ANK2: variants seen among roughly 807,000 people sequenced by gnomAD.
The protein encoded by ANK2 is ankyrin 2.
ANK2 carries 83 observed loss-of-function variants against 360.5 expected under a neutral mutation model. That is an observed-to-expected ratio of 0.23 (90% CI 0.19 to 0.28). The LOEUF is 0.28. Among genes scored for constraint, ANK2 ranks in the 10% least tolerant of loss-of-function variants. The probability of loss-of-function intolerance (pLI) is 1.00; values close to 1 mark genes in which losing one functional copy is unlikely to be tolerated. For missense variants in ANK2, 4,201 were observed against 4,795.7 expected (o/e 0.88, Z 3.66); for synonymous variants, 1,740 against 1,759.5 (o/e 0.99, Z 0.28).
intron 1 of ANK2, among the ~76,000 whole-genome samples, chr4:112,818,907 T>C (rs2056158414): frequency 6.6e-6 from 1 of 152,214 alleles, no homozygotes; most frequent in South Asian, 2.1e-4. Context: ...GCTAGTGAAT[T>C]GTCTTTCCTG....
intron 2 of ANK2, among the ~76,000 whole-genome samples, chr4:113,004,528 G>C (rs189607796): frequency 6.6e-6 from 1 of 152,194 alleles, no homozygotes; most frequent in Non-Finnish European, 1.5e-5. Context: ...AACACACATG[G>C]AGCTGTCATC....
the ANK2 span, among the ~76,000 whole-genome samples, chr4:112,735,523 T>G: frequency 6.6e-6 from 1 of 152,068 alleles, no homozygotes; most frequent in African/African-American, 2.4e-5. Context: ...CTGTCAACAT[T>G]CATCATCTTC....
At chr4:112,743,855 T>G in the ANK2 span, among the ~76,000 whole-genome samples, 1 of 150,884 alleles carries the variant, frequency 6.6e-6, no homozygotes, top group African/African-American at 2.4e-5. Context: ...TCTTTTATTT[T>G]CTTTTTTTTT....
At position 113,353,725 on chromosome 4, in the gene ANK2, C is replaced by A; in HGVS notation, c.5107C>A (p.Pro1703Thr). The A allele has an allele frequency of 6.2e-7, 1 of 1,613,442 alleles. No homozygotes were observed. The highest frequency in any genetic ancestry group is 8.5e-7 in the Non-Finnish European group (1 of 1,179,878). The change falls in exon 38 of 46, where the codon CCA (proline) becomes ACA (threonine). Residue 1703 changes from proline (P) to threonine (T), a missense_variant. Transcript: ENST00000357077. ...QHKPSLGIKK[P>T]VRRKLKEKQK... ...CAAACCAAGCTTGGGAATAAAGAAG[C>A]CAGTAAGAAGGAAATTAAAAGAAAA... is the stretch of plus-strand genomic sequence containing the variant.
At chr4:112,827,607 A>T (rs2058678083) in intron 1 of ANK2, 4 of 900,002 alleles carry the variant, frequency 4.4e-6, no homozygotes, top group Non-Finnish European at 7.4e-6. Context: ...TTCTGAAGGG[A>T]CCACTCTACT....
intron 1 of ANK2, among the ~76,000 whole-genome samples, chr4:113,119,433 GA>G (rs11368096): frequency 0.68 from 102,754 of 151,358 alleles, 35,109 homozygotes; most frequent in African/African-American, 0.69. Context: ...ATTTTCTTTT[GA>G]AAAAAAGAAA....
chr4:113,369,789 A>G lies in ANK2; in HGVS notation c.11594A>G (p.Asp3865Gly), dbSNP rs140606121. Residue 3865 changes from aspartate to glycine, a missense_variant, in exon 43 of 46, where the codon GAT becomes GGT. Coordinates refer to ENST00000357077, the MANE Select transcript of ANK2 (RefSeq NM_001148.6). ...QPETCERLDE[D>G]AAFEKGDDMP... ...GAGACCTGTGAAAGACTCGATGAAG[A>G]TGCAGCTTTTGAAAAGGTAAGACAT... 47 of 1,614,028 alleles carry G rather than the reference A, an allele frequency of 2.9e-5. No individual in the cohort carries two copies. The highest frequency in any genetic ancestry group is 3.6e-5 in the Non-Finnish European group (43 of 1,180,024).
At chr4:113,278,375 C>G in intron 16 of ANK2, 85 bp from the exon 17 acceptor site, 3 of 1,075,004 alleles carry the variant, frequency 2.8e-6, no homozygotes, top group Non-Finnish European at 4.3e-6. Flanking sequence ...TGAATTTAAT[C>G]AATATCAGTT....
intron 14 of ANK2, among the ~76,000 whole-genome samples, chr4:113,271,117 C>G (rs1172190907): frequency 1.3e-5 from 2 of 152,162 alleles, no homozygotes; most frequent in African/African-American, 4.8e-5. Flanking sequence ...CATCTTTCTC[C>G]TAACTCTTTC....
chr4:113,045,959 C>T (rs1450289329), upstream of ANK2, among the ~76,000 whole-genome samples: 6 of 152,152 alleles, frequency 3.9e-5, no homozygotes, highest in Non-Finnish European at 7.3e-5. Flanking sequence ...CTATTATATG[C>T]CATGCACTGC....
chr4:113,372,948 A>G, intron 43 of ANK2, 142 bp from the exon 44 acceptor site: 1 of 833,298 alleles, frequency 1.2e-6, no homozygotes, highest in South Asian at 1.4e-5. Context: ...GTTTTTCACT[A>G]GTTGACAGGA....
chr4:113,174,544 T>C lies in ANK2; in HGVS notation c.186+27T>C, dbSNP rs997006405. The C allele has an allele frequency of 2.7e-6, 4 of 1,508,338 alleles. No individual in the cohort carries two copies. In the African/African-American group the frequency reaches 4.1e-5, roughly 16 times the overall value. 93.4% of individuals were successfully genotyped at this position (1,508,338 alleles called of 1,614,324 possible). A position where few individuals can be genotyped will look rare whatever the true frequency, so the allele number is the denominator to read the frequency against. ...TAAGAACATGGCAGCTAGCTCTGTG[T>C]TGTGCAACGAAGGAACACTCATTAC... On this transcript the variant is annotated intron_variant, in intron 2 of 45. Coordinates refer to ENST00000357077, the MANE Select transcript of ANK2 (RefSeq NM_001148.6).
intron 24 of ANK2, among the ~76,000 whole-genome samples, chr4:113,314,313 C>G (rs1164360737): frequency 1.3e-5 from 2 of 152,144 alleles, no homozygotes; most frequent in Non-Finnish European, 2.9e-5. Context: ...AAGTTTGCCA[C>G]TCCATTAATT....
chr4:112,777,580 A>C, the ANK2 span, among the ~76,000 whole-genome samples: 1 of 151,012 alleles, frequency 6.6e-6, no homozygotes, highest in East Asian at 2.0e-4. Context: ...AGATACTGAA[A>C]AATATTCAAA....
intron 2 of ANK2, among the ~76,000 whole-genome samples, chr4:112,996,635 A>G (rs2048618960): frequency 1.3e-5 from 2 of 152,004 alleles, no homozygotes; most frequent in South Asian, 4.2e-4. Flanking sequence ...TGGTATATTT[A>G]TGGGGTACAT....
the ANK2 span, among the ~76,000 whole-genome samples, chr4:112,760,289 C>G: frequency 6.6e-6 from 1 of 151,840 alleles, no homozygotes; most frequent in Non-Finnish European, 1.5e-5. Context: ...CGGGTTCCCG[C>G]CATTTTCCTG....
intron 1 of ANK2, among the ~76,000 whole-genome samples, chr4:112,835,322 C>T (rs1211225941): frequency 1.3e-5 from 2 of 152,158 alleles, no homozygotes; most frequent in Non-Finnish European, 2.9e-5. Context: ...TTTTAACAAC[C>T]ACATAGCATT....
At chr4:112,976,018 A>G (rs758185956) in intron 2 of ANK2, among the ~76,000 whole-genome samples, 5 of 152,114 alleles carry the variant, frequency 3.3e-5, no homozygotes, top group Non-Finnish European at 5.9e-5. Flanking sequence ...TTGAAAATTG[A>G]ATATGCTCAC....
At chr4:113,256,391 T>A (rs1267049837) in intron 11 of ANK2, among the ~76,000 whole-genome samples, 2 of 152,216 alleles carry the variant, frequency 1.3e-5, no homozygotes, top group Non-Finnish European at 2.9e-5. Flanking sequence ...TATGCAGAGT[T>A]CAATTGAAAA....
Sources: gnomAD v4.1 joint callset for allele counts (sites outside exome capture counted in the v4.1 genomes callset) on GRCh38, gnomAD v4.1.1 for gene constraint, MANE v1.5 for transcripts, NCBI Gene and HGNC (gene_info 2026-07-23, HGNC 2026-07-21) for gene names.